The following TRAPPC11 variants were observed in gnomAD, a reference collection of about 807,000 sequenced individuals.
The protein encoded by TRAPPC11 is foie gras homolog.
Under a neutral mutation model 151.2 loss-of-function variants are expected in TRAPPC11, and 104 were observed. That is an observed-to-expected ratio of 0.69 (90% CI 0.59 to 0.81). The LOEUF is 0.81. Ranked by LOEUF, TRAPPC11 falls within the 30% of genes least tolerant of loss-of-function variation. The pLI is 0.00. For synonymous variants in TRAPPC11, 456 were observed against 472.3 expected (o/e 0.97, Z 0.45); for missense variants, 1,230 against 1,349.6 (o/e 0.91, Z 1.39).
intron 25 of TRAPPC11, chr4:183,701,033 G>A (rs1012639241): frequency 5.3e-5 from 8 of 151,818 alleles, no homozygotes; most frequent in African/African-American, 1.5e-4. Context: ...TTATTTATAG[G>A]GACGAGATCT....
At chr4:183,664,724 T>G (rs566471329) in intron 2 of TRAPPC11, among the ~76,000 whole-genome samples, 1 of 152,260 alleles carries the variant, frequency 6.6e-6, no homozygotes, top group Admixed American at 6.5e-5. Context: ...TTTAAGCAGT[T>G]TATGTGTAGT....
intron 10 of TRAPPC11, among the ~76,000 whole-genome samples, chr4:183,681,641 G>A (rs1358844361): frequency 6.6e-6 from 1 of 152,088 alleles, no homozygotes; most frequent in African/African-American, 2.4e-5. Flanking sequence ...TTAGCCGGGT[G>A]TGGTGGCGGG....
chr4:183,665,319 C>T (rs964748120), intron 2 of TRAPPC11, among the ~76,000 whole-genome samples: 8 of 152,044 alleles, frequency 5.3e-5, no homozygotes, highest in Non-Finnish European at 8.8e-5. Flanking sequence ...TGGTCTCGAT[C>T]TCCTGACCTC....
At chr4:183,705,668 T>C (rs1737019880) in intron 27 of TRAPPC11, among the ~76,000 whole-genome samples, 1 of 152,206 alleles carries the variant, frequency 6.6e-6, no homozygotes. Context: ...CTATAGAGTT[T>C]CCCACAACCT....
rs1400449210 is a variant in TRAPPC11 at position 183,713,334 on chromosome 4, A to G, written c.*690A>G. 2 of 152,656 alleles carry G rather than the reference A, an allele frequency of 1.3e-5. No individual in the cohort carries two copies. The highest frequency in any genetic ancestry group is 2.9e-5 in the Non-Finnish European group (2 of 68,056). The allele number at this position is 152,656 out of a possible 1,614,324, so 9.5% of individuals were successfully genotyped here. On this transcript the variant is annotated 3_prime_UTR_variant, in exon 30 of 30. Coordinates refer to ENST00000334690, the MANE Select transcript of TRAPPC11 (RefSeq NM_021942.6). ...AAAGTGCAAGGATTTGATTATAAAC[A>G]TAATTTCCTAGACTGAAAGTTTTTG... is the stretch of plus-strand genomic sequence containing the variant.
intron 7 of TRAPPC11, 106 bp downstream of exon 7, chr4:183,675,343 A>G: frequency 1.7e-6 from 1 of 573,646 alleles, no homozygotes; most frequent in Non-Finnish European, 2.8e-6. Context: ...TAAAGTGTTC[A>G]TATTGCTTAG....
Position 183,706,732 on chromosome 4 carries a change from A to T in TRAPPC11, c.3056-75A>T, listed in dbSNP as rs1579228396. On this transcript the variant is annotated intron_variant, in intron 27 of 29. Coordinates refer to ENST00000334690, the MANE Select transcript of TRAPPC11 (RefSeq NM_021942.6). Reference sequence around the variant, plus strand: ...AATGATACTATGTCCACAGAATGAGATTCATTTACAAAACGAAGCCATAAG... The same window carrying T: ...AATGATACTATGTCCACAGAATGAGTTTCATTTACAAAACGAAGCCATAAG... 3.4e-6 allele frequency: 5 copies of T among 1,484,280 alleles called. No homozygotes were observed. In the East Asian group the frequency reaches 6.8e-5, roughly 20 times the overall value. 91.9% of individuals were successfully genotyped at this position (1,484,280 alleles called of 1,614,324 possible). A position where few individuals can be genotyped will look rare whatever the true frequency, so the allele number is the denominator to read the frequency against.
chr4:183,692,554 C>T (rs577031808), intron 19 of TRAPPC11, among the ~76,000 whole-genome samples: 14 of 152,176 alleles, frequency 9.2e-5, no homozygotes, highest in African/African-American at 3.1e-4. Flanking sequence ...ATTGCTAATA[C>T]TGTAAATATT....
At chr4:183,705,122 T>C in intron 27 of TRAPPC11, 52 bp downstream of exon 27, 3 of 1,251,220 alleles carry the variant, frequency 2.4e-6, no homozygotes, top group East Asian at 2.4e-5. Context: ...ATAATAGTTA[T>C]TTTAACCTCT....
intron 18 of TRAPPC11, 84 bp from the exon 19 acceptor site, chr4:183,691,232 G>A (rs1035127824): frequency 9.1e-7 from 1 of 1,100,610 alleles, no homozygotes; most frequent in Non-Finnish European, 1.2e-6. Context: ...TGTTTGTGGA[G>A]TTATACTAAA....
chr4:183,710,102 T>C (rs986396523), intron 29 of TRAPPC11, among the ~76,000 whole-genome samples: 3 of 152,194 alleles, frequency 2.0e-5, no homozygotes, highest in Non-Finnish European at 2.9e-5. Context: ...TTTGAAATAC[T>C]AGAGTAACTA....
At chr4:183,667,346 T>G (rs1248793629) in intron 4 of TRAPPC11, among the ~76,000 whole-genome samples, 2 of 152,230 alleles carry the variant, frequency 1.3e-5, no homozygotes, top group Non-Finnish European at 2.9e-5. Flanking sequence ...CTAGTTCCCC[T>G]GTTCCACTTG....
rs1410442395 is a variant in TRAPPC11, at chr4:183,681,643, G to C, written c.1114-1089G>C. 2.0e-5 allele frequency among the ~76,000 whole-genome samples: 3 copies of C among 152,128 alleles called. No homozygotes were observed. The East Asian group carries it at 5.8e-4, about 29-fold the overall frequency. On this transcript the variant is annotated intron_variant, in intron 10 of 29. Transcript: ENST00000334690. ...AAAATACAAAAAATTAGCCGGGTGT[G>C]GTGGCGGGGGCCTGTAGTCCCAGCT...
At chr4:183,663,126 C>T (rs1453412436) in intron 1 of TRAPPC11, among the ~76,000 whole-genome samples, 1 of 151,874 alleles carries the variant, frequency 6.6e-6, no homozygotes, top group East Asian at 1.9e-4. Flanking sequence ...GAGTGGAGTG[C>T]CGTGATCTTG....
At chr4:183,691,952 A>G (rs1736281612) in intron 19 of TRAPPC11, among the ~76,000 whole-genome samples, 1 of 152,226 alleles carries the variant, frequency 6.6e-6, no homozygotes, top group South Asian at 2.1e-4. Context: ...TATAGTATAG[A>G]TAATTGAAAT....
At position 183,680,209 on chromosome 4, in the gene TRAPPC11, A is replaced by C; in HGVS notation, c.1055A>C (p.Gln352Pro). 2 of 1,614,114 alleles carry C rather than the reference A, an allele frequency of 1.2e-6. No homozygotes were observed. The highest frequency in any genetic ancestry group is 1.7e-6 in the Non-Finnish European group (2 of 1,179,980). Residue 352 changes from glutamine to proline, a missense_variant, in exon 10 of 30, where the codon CAG becomes CCG. Physicochemically the swap from Gln to Pro is moderately conservative, Grantham distance 76. Coordinates refer to ENST00000334690, the MANE Select transcript of TRAPPC11 (RefSeq NM_021942.6). ...CAGAATCCTGGTTTCTATTACCAGCAGGCAGCATACTATGCCCAGGAGCGG... is the reference window on the plus strand; with the variant it reads ...CAGAATCCTGGTTTCTATTACCAGCCGGCAGCATACTATGCCCAGGAGCGG... ...QTQNPGFYYQ[Q>P]AAYYAQERKQ... is the part of the protein sequence containing the mutation.
rs960429848 is a variant in TRAPPC11 at position 183,662,948 on chromosome 4, T to C, written c.-21-899T>C. ...GAAAGATTTTTTCTTAAATGTCATA[T>C]AGTTATTACATTTTAATAGATCTAA... On this transcript the variant is annotated intron_variant, in intron 1 of 29. Coordinates refer to ENST00000334690, the MANE Select transcript of TRAPPC11 (RefSeq NM_021942.6). 5.9e-5 allele frequency among the ~76,000 whole-genome samples: 9 copies of C among 152,240 alleles called. No individual in the cohort carries two copies. The East Asian group carries it at 1.7e-3, about 29-fold the overall frequency.
intron 1 of TRAPPC11, 22 bp from the exon 2 acceptor site, chr4:183,663,825 T>C (rs747205161): frequency 7.3e-7 from 1 of 1,374,890 alleles, no homozygotes; most frequent in Non-Finnish European, 1.0e-6. Context: ...TAATTATGAA[T>C]GTATTAACAT....
chr4:183,683,877 A>G lies in TRAPPC11; in HGVS notation c.1208-98A>G, dbSNP rs1579189109. 3.1e-6 allele frequency: 3 copies of G among 952,776 alleles called. No homozygotes were observed. The East Asian group carries it at 7.6e-5, about 24-fold the overall frequency. 59.0% of individuals were successfully genotyped at this position (952,776 alleles called of 1,614,324 possible). A position where few individuals can be genotyped will look rare whatever the true frequency, so the allele number is the denominator to read the frequency against. On this transcript the variant is annotated intron_variant, in intron 11 of 29. Coordinates refer to ENST00000334690, the MANE Select transcript of TRAPPC11 (RefSeq NM_021942.6). ...ATGTTGAAGAGTCTGAAATGATTAT[A>G]TTAAATAAAGGTTTCAAGGAGTGTA...
Sources: gnomAD v4.1 joint callset for allele counts (sites outside exome capture counted in the v4.1 genomes callset) on GRCh38, gnomAD v4.1.1 for gene constraint, MANE v1.5 for transcripts, NCBI Gene and HGNC (gene_info 2026-07-23, HGNC 2026-07-21) for gene names.